Variants in LEPROTL1 observed in about 807,000 individuals in gnomAD.
The protein encoded by LEPROTL1 is leptin receptor overlapping transcript like 1, also known as leptin receptor overlapping transcript-like 1.
LEPROTL1 carries 6 observed loss-of-function variants against 15.4 expected under a neutral mutation model. That is an observed-to-expected ratio of 0.39 (90% CI 0.21 to 0.77). The LOEUF is 0.77. Ranked by LOEUF, LEPROTL1 falls within the 30% of genes least tolerant of loss-of-function variation. LEPROTL1 has a pLI of 0.41. For missense variants in LEPROTL1, 128 were observed against 158.1 expected, an observed-to-expected ratio of 0.81 and a Z score of 1.02; for synonymous variants, 56 against 52.6, an observed-to-expected ratio of 1.06 and a Z score of -0.28.
intron 3 of LEPROTL1, among the ~76,000 whole-genome samples, chr8:30,129,711 TCACACACACACACACACA>T (rs35105107): frequency 1.3e-4 from 17 of 128,300 alleles, no homozygotes; most frequent in African/African-American, 2.9e-4. Context: ...TGAGACCCTG[TCACACACACACACACACA>T]CACACACACA....
intron 1 of LEPROTL1, among the ~76,000 whole-genome samples, chr8:30,100,792 G>A (rs973606897): frequency 6.6e-6 from 1 of 152,134 alleles, no homozygotes; most frequent in Non-Finnish European, 1.5e-5. Flanking sequence ...GGTTAACTAT[G>A]CCTATTCAAG....
intron 1 of LEPROTL1, among the ~76,000 whole-genome samples, chr8:30,100,639 C>G (rs1375242145): frequency 6.6e-6 from 1 of 152,172 alleles, no homozygotes; most frequent in Non-Finnish European, 1.5e-5. Flanking sequence ...TTAGTAGAGA[C>G]AAGGTTTCAC....
intron 1 of LEPROTL1, chr8:30,095,967 G>A: frequency 1.5e-6 from 1 of 682,342 alleles, no homozygotes; most frequent in East Asian, 2.8e-5. Flanking sequence ...CCCACCGAAA[G>A]GCACAAGTGC....
At chr8:30,119,554 T>G (rs540368499) in intron 3 of LEPROTL1, among the ~76,000 whole-genome samples, 26 of 152,314 alleles carry the variant, frequency 1.7e-4, no homozygotes, top group Non-Finnish European at 5.9e-5. Flanking sequence ...TGTCTGATTT[T>G]AGAGGGATGC....
intron 1 of LEPROTL1, among the ~76,000 whole-genome samples, chr8:30,100,542 C>T (rs755486068): frequency 3.9e-5 from 6 of 152,172 alleles, no homozygotes; most frequent in African/African-American, 1.2e-4. Context: ...CTACGCCTCC[C>T]GGGTTCAAGC....
rs1158671966 is a variant in LEPROTL1, at chr8:30,107,406, A to G, written c.*1544A>G. On this transcript the variant is annotated 3_prime_UTR_variant, in exon 4 of 4. Coordinates refer to ENST00000321250, the MANE Select transcript of LEPROTL1 (RefSeq NM_015344.3). ...GTATGTTTATTCAGTATACTTACAT[A>G]AAAATTATTTCGCCATCAGCCAAAA... 2 of 985,616 alleles carry G rather than the reference A, an allele frequency of 2.0e-6. No homozygotes were observed. Among genetic ancestry groups the G allele is most frequent in the African/African-American group, 1.7e-5 (1 of 57,240 alleles). The allele number at this position is 985,616 out of a possible 1,614,324, so 61.1% of individuals were successfully genotyped here.
chr8:30,098,031 T>TC (rs1431951567), intron 1 of LEPROTL1, among the ~76,000 whole-genome samples: 1 of 152,132 alleles, frequency 6.6e-6, no homozygotes, highest in African/African-American at 2.4e-5. Context: ...GCCCTCATGG[T>TC]CCTAAGGTGG....
chr8:30,130,302 T>C (rs900572098), intron 3 of LEPROTL1, among the ~76,000 whole-genome samples: 5 of 152,062 alleles, frequency 3.3e-5, no homozygotes, highest in African/African-American at 1.2e-4. Context: ...AGTACTGGAG[T>C]AAAATAGAAT....
rs1802342056 is a variant in LEPROTL1, at chr8:30,095,434, G to A, written c.-79G>A. ...CACTTCCGGGTGTTGTCTGGCCGCC[G>A]TAGCGCGTCTTGGGTCTCCCGGCTG... On this transcript the variant is annotated 5_prime_UTR_variant, in exon 1 of 4. Transcript: ENST00000321250. 7.1e-7 allele frequency: 1 copy of A among 1,406,098 alleles called. No individual in the cohort carries two copies. The highest frequency in any genetic ancestry group is 9.4e-7 in the Non-Finnish European group (1 of 1,064,246). 87.1% of individuals were successfully genotyped at this position (1,406,098 alleles called of 1,614,324 possible).
chr8:30,137,279 G>T (rs374232147), exon 5 of LEPROTL1: 1 of 1,551,308 alleles, frequency 6.4e-7, no homozygotes. Context: ...TAGATGGGGC[G>T]CCTACCCTTC....
intron 1 of LEPROTL1, among the ~76,000 whole-genome samples, chr8:30,097,894 GT>G (rs755624149): frequency 0.019 from 2,549 of 133,492 alleles, 74 homozygotes; most frequent in African/African-American, 0.063. Context: ...TAGTCCCTTG[GT>G]TTTTTTTTTT....
chr8:30,116,834 T>C (rs1802748658), intron 3 of LEPROTL1, among the ~76,000 whole-genome samples: 1 of 152,212 alleles, frequency 6.6e-6, no homozygotes, highest in African/African-American at 2.4e-5. Context: ...TCGTGGGTTC[T>C]CTAGGGACCT....
downstream of LEPROTL1, among the ~76,000 whole-genome samples, chr8:30,109,855 T>C (rs924868232): frequency 1.3e-5 from 2 of 148,198 alleles, no homozygotes; most frequent in Admixed American, 6.7e-5. Context: ...TTGAAAGGCT[T>C]TTTTAAGAAA....
intron 2 of LEPROTL1, among the ~76,000 whole-genome samples, chr8:30,103,610 G>A (rs949685349): frequency 6.6e-6 from 1 of 151,778 alleles, no homozygotes; most frequent in African/African-American, 2.4e-5. Context: ...GCATGGTGGT[G>A]CACGCCTGTA....
intron 3 of LEPROTL1, among the ~76,000 whole-genome samples, chr8:30,128,385 G>A (rs1802938278): frequency 1.3e-5 from 2 of 152,148 alleles, no homozygotes; most frequent in Admixed American, 1.3e-4. Flanking sequence ...AAAAGGCTTT[G>A]TTAACCAAGT....
chr8:30,133,243 G>A (rs1216836647), intron 4 of LEPROTL1, among the ~76,000 whole-genome samples: 2 of 152,032 alleles, frequency 1.3e-5, no homozygotes, highest in Non-Finnish European at 2.9e-5. Context: ...AGTATACAGT[G>A]GAGCTTAAGT....
At position 30,108,106 on chromosome 8, in the gene LEPROTL1, A is replaced by C. The variant is rs2117491476; in HGVS notation, c.*2244A>C. 1.6e-6 allele frequency: 1 copy of C among 639,864 alleles called. No individual in the cohort carries two copies. The highest frequency in any genetic ancestry group is 6.3e-5 in the Admixed American group (1 of 15,848). 39.6% of individuals were successfully genotyped at this position (639,864 alleles called of 1,614,324 possible). ...TGTTTTTGAAATGAAAATATATGGC[A>C]CACTTTCATTCTGAAGTGCATTAAC... On this transcript the variant is annotated 3_prime_UTR_variant, in exon 4 of 4. Coordinates refer to ENST00000321250, the MANE Select transcript of LEPROTL1 (RefSeq NM_015344.3).
Position 30,132,417 on chromosome 8 carries a change from G to T in LEPROTL1, c.322G>T (p.Ala108Ser), listed in dbSNP as rs540570721. 34 of 1,551,746 alleles carry T rather than the reference G, an allele frequency of 2.2e-5. No homozygotes were observed. The South Asian group carries it at 4.0e-4, about 18-fold the overall frequency. Residue 108 changes from alanine (A) to serine (S), a missense_variant, in exon 4 of 5, where the codon GCT becomes TCT. By Grantham distance (99) the Ala-to-Ser change is moderately conservative. Coordinates refer to the LEPROTL1 transcript ENST00000442880. ...CGGGGACATATCCCTCCTCTCCAGG[G>T]CTCTGACCAAGCTCAGGCCCAAAGC... is the stretch of plus-strand genomic sequence containing the variant.
Position 30,104,342 on chromosome 8 carries a change from A to G in LEPROTL1, c.135A>G (p.Ser45=). The change falls in exon 3 of 4, where the codon TCA becomes TCG. Residue 45 remains serine, a synonymous_variant. Coordinates refer to ENST00000321250, the MANE Select transcript of LEPROTL1 (RefSeq NM_015344.3). ...PLFVLFFYIL[S]PIPYCIARRL... is the part of the protein sequence containing the mutation. The stretch of plus-strand genomic sequence containing the variant: ...TTGTTCTATTTTTTTACATCCTTTC[A>G]CCTATTCCATACTGCATAGCAAGAA... The G allele has an allele frequency of 2.5e-6, 4 of 1,589,232 alleles. No individual in the cohort carries two copies. The highest frequency in any genetic ancestry group is 3.4e-6 in the Non-Finnish European group (4 of 1,167,502).
Sources: gnomAD v4.1 joint callset for allele counts (sites outside exome capture counted in the v4.1 genomes callset) on GRCh38, gnomAD v4.1.1 for gene constraint, MANE v1.5 for transcripts, NCBI Gene and HGNC (gene_info 2026-07-23, HGNC 2026-07-21) for gene names.